SLC4A10: variants seen among roughly 807,000 people sequenced by gnomAD.
SLC4A10 encodes solute carrier family 4 member 10.
SLC4A10 carries 42 observed loss-of-function variants against 137.7 expected under a neutral mutation model. That is an observed-to-expected ratio of 0.30 (90% confidence interval 0.24 to 0.39). The LOEUF (loss-of-function observed/expected upper bound fraction) is 0.39. Among genes scored for constraint, SLC4A10 ranks in the 10% least tolerant of loss-of-function variants. The probability of loss-of-function intolerance (pLI) is 1.00; values close to 1 mark genes in which losing one functional copy is unlikely to be tolerated. For synonymous variants in SLC4A10, 474 were observed against 464.1 expected, an observed-to-expected ratio of 1.02 and a Z score of -0.27; for missense variants, 925 against 1,355.0, an observed-to-expected ratio of 0.68 and a Z score of 4.98.
At chr2:161,832,008 A>G (rs2125744046) in intron 3 of SLC4A10, among the ~76,000 whole-genome samples, 1 of 152,224 alleles carries the variant, frequency 6.6e-6, no homozygotes, top group Non-Finnish European at 1.5e-5. Flanking sequence ...GAAGATATAG[A>G]TAGTGTCTCT....
chr2:161,970,536 T>C (rs963634878), intron 23 of SLC4A10, among the ~76,000 whole-genome samples: 10 of 152,232 alleles, frequency 6.6e-5, no homozygotes, highest in African/African-American at 2.4e-4. Flanking sequence ...CTGAAGAGTA[T>C]TCCATTTCTT....
chr2:161,672,510 A>T (rs115524495), intron 1 of SLC4A10, among the ~76,000 whole-genome samples: 11,951 of 147,236 alleles, frequency 0.081, 729 homozygotes, highest in African/African-American at 0.18. Flanking sequence ...TCTAAAAAAA[A>T]TTTTTTTTTT....
Position 161,904,827 on chromosome 2 carries a change from C to G in SLC4A10, c.1669C>G (p.Leu557Val). The G allele has an allele frequency of 6.2e-7, 1 of 1,614,008 alleles. No homozygotes were observed. The highest frequency in any genetic ancestry group is 8.5e-7 in the Non-Finnish European group (1 of 1,179,884). ...ATCCATGACCGGGATAGCCTATTCT[C>G]TCTTTGGTGGACAGCCTCTTACCAT... Reference protein sequence around the residue: ...GASMTGIAYSLFGGQPLTILG... With the variant: ...GASMTGIAYSVFGGQPLTILG... Residue 557 changes from leucine to valine, a missense_variant, in exon 14 of 27, where the codon CTC becomes GTC. By Grantham distance (32) the Leu-to-Val change is conservative. Around this residue, in one of 11 missense-constraint regions of SLC4A10, gnomAD observed 61 missense variants for 168.0 expected, o/e 0.36. Coordinates refer to ENST00000446997, the MANE Select transcript of SLC4A10 (RefSeq NM_001178015.2).
intron 16 of SLC4A10, among the ~76,000 whole-genome samples, chr2:161,945,924 A>G (rs1416590516): frequency 6.6e-6 from 1 of 151,958 alleles, no homozygotes; most frequent in Non-Finnish European, 1.5e-5. Context: ...ACAAATTTAT[A>G]GATAATGTGT....
intron 1 of SLC4A10, among the ~76,000 whole-genome samples, chr2:161,638,886 CA>C (rs1191364430): frequency 4.1e-5 from 6 of 145,784 alleles, no homozygotes; most frequent in African/African-American, 5.0e-5. Context: ...TAAAAAAAGA[CA>C]AATTTTGAGC....
Position 161,947,659 on chromosome 2 carries a change from T to A in SLC4A10, c.2197T>A (p.Phe733Ile), listed in dbSNP as rs779162070. The change falls in exon 17 of 27, where the codon TTC becomes ATC. Residue 733 changes from phenylalanine (F) to isoleucine (I), a missense_variant. Around this residue, in one of 11 missense-constraint regions of SLC4A10, gnomAD observed 82 missense variants for 151.4 expected, o/e 0.54. Coordinates refer to ENST00000446997, the MANE Select transcript of SLC4A10 (RefSeq NM_001178015.2). ...PDVLFWSVILFFSTVTLSATL... is the reference protein window; with the variant it reads ...PDVLFWSVILIFSTVTLSATL... The stretch of plus-strand genomic sequence containing the variant: ...TGTTCTATTTTGGTCTGTGATCCTG[T>A]TCTTTTCCACAGTTACTCTGTCAGC... The A allele has an allele frequency of 6.2e-7, 1 of 1,613,274 alleles. No homozygotes were observed.
In SLC4A10 at chr2:161,803,038, A is replaced by T. The variant is rs186922523; in HGVS notation, c.131-1411A>T. ...GTACTTTGGCACTTGAGAAAGTAAG[A>T]TTTTTTTTAACCTAGTATTTTAATG... On this transcript the variant is annotated intron_variant, in intron 2 of 26. Transcript: ENST00000446997. Among the ~76,000 whole-genome samples the T allele has an allele frequency of 3.0e-3, 459 of 151,968 alleles. 2 individuals are homozygous for T. Among genetic ancestry groups the T allele is most frequent in the Non-Finnish European group, 5.4e-3 (367 of 67,966 alleles).
At chr2:161,781,667 CA>C (rs1469542503) in intron 2 of SLC4A10, among the ~76,000 whole-genome samples, 2 of 151,766 alleles carry the variant, frequency 1.3e-5, no homozygotes, top group Non-Finnish European at 2.9e-5. Flanking sequence ...CATAGATGGT[CA>C]ATGAAAAAAT....
At chr2:161,864,959 A>G (rs938998549) in intron 6 of SLC4A10, among the ~76,000 whole-genome samples, 1 of 152,166 alleles carries the variant, frequency 6.6e-6, no homozygotes, top group Admixed American at 6.5e-5. Context: ...AAACTTTATT[A>G]GAATTAACTT....
intron 12 of SLC4A10, 52 bp downstream of exon 12, chr2:161,901,063 C>A: frequency 7.6e-7 from 1 of 1,318,256 alleles, no homozygotes; most frequent in Non-Finnish European, 1.1e-6. Flanking sequence ...ACATACCATT[C>A]TTCTCTGTCA....
intron 2 of SLC4A10, among the ~76,000 whole-genome samples, chr2:161,788,979 C>T (rs1284493685): frequency 3.9e-5 from 6 of 152,176 alleles, no homozygotes; most frequent in East Asian, 1.9e-4. Flanking sequence ...CCCAGAGACC[C>T]GCCAGTCTCC....
intron 1 of SLC4A10, among the ~76,000 whole-genome samples, chr2:161,668,672 A>G (rs1448105770): frequency 6.6e-6 from 1 of 151,874 alleles, no homozygotes; most frequent in African/African-American, 2.4e-5. Flanking sequence ...CATATATTTC[A>G]ATTCTCATAT....
At chr2:161,712,544 AT>A (rs1016349718) in intron 1 of SLC4A10, among the ~76,000 whole-genome samples, 3 of 151,822 alleles carry the variant, frequency 2.0e-5, no homozygotes, top group African/African-American at 7.2e-5. Flanking sequence ...ATTTCTTGGC[AT>A]TTTTATTCTA....
At chr2:161,964,882 A>C (rs1575885083) in intron 22 of SLC4A10, among the ~76,000 whole-genome samples, 169 bp from the exon 23 acceptor site, 1 of 152,152 alleles carries the variant, frequency 6.6e-6, no homozygotes, top group Non-Finnish European at 1.5e-5. Flanking sequence ...GTAAGAAAAG[A>C]AAATGAAGGA....
intron 4 of SLC4A10, among the ~76,000 whole-genome samples, chr2:161,853,080 T>C (rs1489235637): frequency 2.0e-5 from 3 of 152,164 alleles, no homozygotes; most frequent in Non-Finnish European, 4.4e-5. Flanking sequence ...TGACAAGAAA[T>C]AGTAATTTAT....
At chr2:161,707,288 T>A (rs1249840992) in intron 1 of SLC4A10, among the ~76,000 whole-genome samples, 1 of 151,432 alleles carries the variant, frequency 6.6e-6, no homozygotes, top group South Asian at 2.1e-4. Context: ...TAAGACTCAT[T>A]GTGACTAGTC....
intron 1 of SLC4A10, among the ~76,000 whole-genome samples, chr2:161,726,971 T>G (rs1015313291): frequency 2.0e-5 from 3 of 152,334 alleles, no homozygotes; most frequent in African/African-American, 7.2e-5. Context: ...GATTAAAAGT[T>G]AATCACACTT....
At chr2:161,838,450 A>C (rs1432739978) in intron 3 of SLC4A10, among the ~76,000 whole-genome samples, 2 of 152,184 alleles carry the variant, frequency 1.3e-5, no homozygotes, top group East Asian at 1.9e-4. Flanking sequence ...CCAAAGCATA[A>C]TTTATAACAC....
intron 1 of SLC4A10, among the ~76,000 whole-genome samples, chr2:161,672,225 T>A (rs954330089): frequency 6.6e-6 from 1 of 152,184 alleles, no homozygotes; most frequent in African/African-American, 2.4e-5. Flanking sequence ...TCTTTAGAGA[T>A]GAAATAAGAT....
Sources: allele counts gnomAD v4.1 joint callset (sites outside exome capture counted in the v4.1 genomes callset), GRCh38; gene constraint gnomAD v4.1.1; regional missense constraint gnomAD v4.1.1; transcripts MANE v1.5; gene names NCBI Gene and HGNC (gene_info 2026-07-23, HGNC 2026-07-21).